The following MSH5 variants were observed in gnomAD, a reference collection of about 807,000 sequenced individuals.
MSH5 encodes mutS homolog 5.
MSH5 carries 78 observed loss-of-function variants against 107.7 expected under a neutral mutation model. The ratio of observed to expected loss-of-function variants is 0.72; its 90% CI spans 0.60 to 0.87. The LOEUF (loss-of-function observed/expected upper bound fraction) is 0.87. MSH5 is among the 40% of genes least tolerant of loss of function. The pLI is 0.00. For synonymous variants in MSH5, 326 were observed against 399.5 expected, an observed-to-expected ratio of 0.82 and a Z score of 2.19; for missense variants, 889 against 1,046.6, an observed-to-expected ratio of 0.85 and a Z score of 2.08.
In MSH5 at chr6:31,759,275, TCTC is replaced by T; in HGVS notation, c.1407+102_1407+104del. ...CAGCAGCACTGCCCAATATGGGATC[TCTC>T]CTCTGTAGTTTTACTCTGAGCTTTA... On this transcript the variant is annotated intron_variant, in intron 16 of 24. Transcript: ENST00000375750. This position sits in a 1 kb window ranked among gnomAD's most constrained non-coding sequence, Gnocchi z 4.7. 1 of 1,371,182 alleles carries T rather than the reference TCTC, an allele frequency of 7.3e-7. No homozygotes were observed. The allele number at this position is 1,371,182 out of a possible 1,614,324, so 84.9% of individuals were successfully genotyped here. A position where few individuals can be genotyped will look rare whatever the true frequency, so the allele number is the denominator to read the frequency against.
chr6:31,746,647 C>T (rs1014887646), intron 9 of MSH5, among the ~76,000 whole-genome samples: 8 of 151,802 alleles, frequency 5.3e-5, no homozygotes, highest in Non-Finnish European at 1.0e-4. Context: ...GATGGTGTTT[C>T]GCCATGTTGC....
intron 9 of MSH5, among the ~76,000 whole-genome samples, chr6:31,746,766 G>A (rs1160477596): frequency 6.7e-6 from 1 of 150,368 alleles, no homozygotes; most frequent in African/African-American, 2.4e-5. Flanking sequence ...TTGAGTTTTT[G>A]TATTTTTGGA....
At chr6:31,744,380 G>T in intron 7 of MSH5, 81 bp downstream of exon 7, 1 of 1,591,228 alleles carries the variant, frequency 6.3e-7, no homozygotes, top group Non-Finnish European at 8.6e-7. Context: ...GGGTGTGGAT[G>T]TGGCTGTGAC....
chr6:31,753,474 G>A (rs1469330020), intron 11 of MSH5, 35 bp downstream of exon 11: 1 of 1,612,308 alleles, frequency 6.2e-7, no homozygotes, highest in East Asian at 2.2e-5. Context: ...AGGTGGGGAA[G>A]GAGGTTGAGG....
intron 10 of MSH5, among the ~76,000 whole-genome samples, chr6:31,748,348 T>TTC (rs1809648244): frequency 6.7e-6 from 1 of 149,626 alleles, no homozygotes; most frequent in African/African-American, 2.5e-5. Context: ...TCACTCCTTT[T>TTC]TTTTTTTTTT....
rs575702248 is a variant in MSH5, at chr6:31,758,121, C to A, written c.1015-44C>A. ...GTCTGTCCCTATCACCACCTCAACC[C>A]GAGCTGGATGTGGCCTGTCCTCCTT... is the stretch of plus-strand genomic sequence containing the variant. On this transcript the variant is annotated intron_variant, in intron 12 of 24. Coordinates refer to ENST00000375750, the MANE Select transcript of MSH5 (RefSeq NM_172166.4). This position sits in a 1 kb window ranked among gnomAD's most constrained non-coding sequence, Gnocchi z 5.1. 437 of 1,610,692 alleles carry A rather than the reference C, an allele frequency of 2.7e-4. 7 individuals carry two copies. The South Asian group carries it at 4.0e-3, about 15-fold the overall frequency.
At chr6:31,753,853 G>A (rs1014723667) in intron 12 of MSH5, 2 of 487,432 alleles carry the variant, frequency 4.1e-6, no homozygotes, top group African/African-American at 3.9e-5. Context: ...AGCCTCCCGA[G>A]AAGTTGGGAT....
Position 31,740,432 on chromosome 6 carries a change from C to T in MSH5, c.-13-22C>T, listed in dbSNP as rs758637998. ...TCTGTGAATCGTTGCTTCCGAACCGCCCTCACTTTTTGCATCCGCAGAGCC... is the reference window on the plus strand; with the variant it reads ...TCTGTGAATCGTTGCTTCCGAACCGTCCTCACTTTTTGCATCCGCAGAGCC... On this transcript the variant is annotated intron_variant, in intron 1 of 24. Transcript: ENST00000375750. The surrounding 1 kb of genome is among the most constrained non-coding windows in gnomAD (Gnocchi z 4.4). The T allele has an allele frequency of 1.3e-6, 2 of 1,544,908 alleles. No individual in the cohort carries two copies. Among genetic ancestry groups the T allele is most frequent in the East Asian group, 2.5e-5 (1 of 40,352 alleles).
rs1199842222 is a variant in MSH5 at position 31,740,521 on chromosome 6, G to A, written c.55G>A (p.Ala19Thr). The change falls in exon 2 of 25, where the codon GCG becomes ACG. Residue 19 changes from alanine to threonine, a missense_variant. Ala to Thr is a moderately conservative substitution (Grantham distance 58). Coordinates refer to ENST00000375750, the MANE Select transcript of MSH5 (RefSeq NM_172166.4). The surrounding 1 kb of genome is among the most constrained non-coding windows in gnomAD (Gnocchi z 4.4). ...GACACCGCAGGGACCGAGACCTGGGGCGGCCTCCTCCGGCTTCCCCAGCCC... is the reference window on the plus strand; with the variant it reads ...GACACCGCAGGGACCGAGACCTGGGACGGCCTCCTCCGGCTTCCCCAGCCC... ...RRTPQGPRPGAASSGFPSPAP... is the reference protein window; with the variant it reads ...RRTPQGPRPGTASSGFPSPAP... 11 of 1,554,124 alleles carry A rather than the reference G, an allele frequency of 7.1e-6. No individual in the cohort carries two copies. The highest frequency in any genetic ancestry group is 9.6e-6 in the Non-Finnish European group (11 of 1,149,246).
In MSH5 at chr6:31,753,306, G is replaced by T. The variant is rs763435940; in HGVS notation, c.818G>T (p.Trp273Leu). 5 of 1,606,994 alleles carry T rather than the reference G, an allele frequency of 3.1e-6. No individual in the cohort carries two copies. The highest frequency in any genetic ancestry group is 3.3e-4 in the Middle Eastern group (2 of 6,036). ...CKWGEKLLRLWFTRPTHDLGE... is the reference protein window; with the variant it reads ...CKWGEKLLRLLFTRPTHDLGE... ...ACCCAAACCCTCACTTCCAGGCTAT[G>T]GTTCACACGTCCGACTCATGACCTG... is the stretch of plus-strand genomic sequence containing the variant. Residue 273 changes from tryptophan to leucine, a missense_variant, in exon 11 of 25, where the codon TGG becomes TTG. Transcript: ENST00000375750.
rs747848552 is a variant in MSH5, at chr6:31,761,219, A to G, written c.1994A>G (p.Gln665Arg). 6 of 1,613,926 alleles carry G rather than the reference A, an allele frequency of 3.7e-6. No individual in the cohort carries two copies. The South Asian group carries it at 6.6e-5, about 18-fold the overall frequency. ...AAAGCAGTGAACAATGCCACTGCACAGTCGCTGGTCCTTATTGATGAATTT... is the reference window on the plus strand; with the variant it reads ...AAAGCAGTGAACAATGCCACTGCACGGTCGCTGGTCCTTATTGATGAATTT... ...VAKAVNNATA[Q>R]SLVLIDEFGK... The change falls in exon 21 of 25, where the codon CAG (glutamine) becomes CGG (arginine). Residue 665 changes from glutamine (Q) to arginine (R), a missense_variant. Gln to Arg is a conservative substitution (Grantham distance 43). Around this residue, in one of 3 missense-constraint regions of MSH5, gnomAD observed 362 missense variants for 456.2 expected, o/e 0.79. Coordinates refer to ENST00000375750, the MANE Select transcript of MSH5 (RefSeq NM_172166.4). This position sits in a 1 kb window ranked among gnomAD's most constrained non-coding sequence, Gnocchi z 5.3.
chr6:31,759,126 G>C lies in MSH5; in HGVS notation c.1356G>C (p.Leu452=). 6.2e-7 allele frequency: 1 copy of C among 1,612,968 alleles called. No individual in the cohort carries two copies. Among genetic ancestry groups the C allele is most frequent in the Non-Finnish European group, 8.5e-7 (1 of 1,180,020 alleles). Residue 452 remains leucine, a synonymous_variant, in exon 16 of 25, where the codon CTG becomes CTC. Transcript: ENST00000375750. The surrounding 1 kb of genome is among the most constrained non-coding windows in gnomAD (Gnocchi z 4.7). The stretch of plus-strand genomic sequence containing the variant: ...GCTTCCTTCTTTCTATTCCCCGCCT[G>C]CCTTCCATGGTAGAGGCCAGTGACT... The part of the protein sequence containing the change: ...LIGFLLSIPR[L]PSMVEASDFE...
rs1387424642 is a variant in MSH5, at chr6:31,740,450, G to A, written c.-13-4G>A. 2.6e-6 allele frequency: 4 copies of A among 1,552,108 alleles called. No individual in the cohort carries two copies. Among genetic ancestry groups the A allele is most frequent in the Non-Finnish European group, 2.6e-6 (3 of 1,147,754 alleles). ...CGAACCGCCCTCACTTTTTGCATCC[G>A]CAGAGCCTCCAAGCTCATGGCCTCC... On this transcript the variant is annotated splice_region_variant and splice_polypyrimidine_tract_variant and intron_variant, in intron 1 of 24. Coordinates refer to ENST00000375750, the MANE Select transcript of MSH5 (RefSeq NM_172166.4). The surrounding 1 kb of genome is among the most constrained non-coding windows in gnomAD (Gnocchi z 4.4).
Position 31,740,685 on chromosome 6 carries a change from G to A in MSH5, c.147+72G>A. The A allele has an allele frequency of 7.1e-7, 1 of 1,416,322 alleles. No individual in the cohort carries two copies. The highest frequency in any genetic ancestry group is 9.2e-7 in the Non-Finnish European group (1 of 1,081,376). The allele number at this position is 1,416,322 out of a possible 1,614,324, so 87.7% of individuals were successfully genotyped here. A position where few individuals can be genotyped will look rare whatever the true frequency, so the allele number is the denominator to read the frequency against. On this transcript the variant is annotated intron_variant, in intron 2 of 24. Transcript: ENST00000375750. The surrounding 1 kb of genome is among the most constrained non-coding windows in gnomAD (Gnocchi z 4.4). ...AGAATAAAAGAGGGTTGGGAGCCGG[G>A]CGCGGTGGCTCACACCTGTAATCTT...
rs1353126903 is a variant in MSH5, at chr6:31,740,020, GGCGGTCGGTCA to G, written c.-51_-41del. ...CGGCGCGCTCCTTTTGCAGGCTCGT[GGCGGTCGGTCA>G]GCGGGGCGTTCTCCCACCTGTAGCG... On this transcript the variant is annotated 5_prime_UTR_variant, in exon 1 of 25. Coordinates refer to ENST00000375750, the MANE Select transcript of MSH5 (RefSeq NM_172166.4). This position sits in a 1 kb window ranked among gnomAD's most constrained non-coding sequence, Gnocchi z 4.4. 1 of 153,412 alleles carries G rather than the reference GGCGGTCGGTCA, an allele frequency of 6.5e-6. No homozygotes were observed. The highest frequency in any genetic ancestry group is 1.4e-5 in the Non-Finnish European group (1 of 68,996). 9.5% of individuals were successfully genotyped at this position (153,412 alleles called of 1,614,324 possible).
At chr6:31,752,421 A>C (rs925830932) in intron 10 of MSH5, among the ~76,000 whole-genome samples, 1 of 149,080 alleles carries the variant, frequency 6.7e-6, no homozygotes, top group East Asian at 2.0e-4. Context: ...TAAAATAAAA[A>C]AAAAGAATAA....
At position 31,747,444 on chromosome 6, in the gene MSH5, C is replaced by T. The variant is rs1172344783; in HGVS notation, c.812+12C>T. The T allele has an allele frequency of 6.2e-7, 1 of 1,612,328 alleles. No individual in the cohort carries two copies. Among genetic ancestry groups the T allele is most frequent in the South Asian group, 1.1e-5 (1 of 91,026 alleles). On this transcript the variant is annotated intron_variant, in intron 10 of 24. Coordinates refer to ENST00000375750, the MANE Select transcript of MSH5 (RefSeq NM_172166.4). ...GAGAAGCTGCTCAGGTGAGTGGGTC[C>T]CACACATACTACACACTAATGCATG...
rs758525606 is a variant in MSH5 at position 31,753,439 on chromosome 6, TG to T, written c.951+1del. 22 of 1,613,420 alleles carry T rather than the reference TG, an allele frequency of 1.4e-5. No homozygotes were observed. Among genetic ancestry groups the T allele is most frequent in the Admixed American group, 3.3e-5 (2 of 59,964 alleles). On this transcript the variant is annotated splice_donor_variant, in intron 11 of 24. Coordinates refer to ENST00000375750, the MANE Select transcript of MSH5 (RefSeq NM_172166.4). LOFTEE classifies it high-confidence loss of function. ...TCCTGGGTCACATCAAGAACGTGCC[TG>T]TGAGCCCAGGGTGGAGGGCAGGGAG...
In MSH5 at chr6:31,753,358, C is replaced by T. The variant is rs780813190; in HGVS notation, c.870C>T (p.Val290=). The stretch of plus-strand genomic sequence containing the variant: ...GGGAGCTCAGTTCTCGTCTGGACGT[C>T]ATTCAGTTTTTTCTGCTGCCCCAGA... The part of the protein sequence containing the change: ...DLGELSSRLD[V]IQFFLLPQNL... The change falls in exon 11 of 25, where the codon GTC becomes GTT. Residue 290 remains valine, a synonymous_variant. Transcript: ENST00000375750. 1.2e-6 allele frequency: 2 copies of T among 1,614,182 alleles called. No homozygotes were observed. The highest frequency in any genetic ancestry group is 1.1e-5 in the South Asian group (1 of 91,080).
Sources: gnomAD v4.1 joint callset for allele counts (sites outside exome capture counted in the v4.1 genomes callset) on GRCh38, gnomAD v4.1.1 for gene constraint, gnomAD v4.1.1 regional missense constraint, Gnocchi (gnomAD v3.1) non-coding constraint, MANE v1.5 for transcripts, NCBI Gene and HGNC (gene_info 2026-07-23, HGNC 2026-07-21) for gene names.